The following SHROOM3 variants were observed in gnomAD, a reference collection of about 807,000 sequenced individuals.
The protein encoded by SHROOM3 is shroom family member 3, also known as protein Shroom3.
Under a neutral mutation model 138.6 loss-of-function variants are expected in SHROOM3, and 47 were observed. The ratio of observed to expected loss-of-function variants is 0.34; its 90% CI spans 0.27 to 0.43. The LOEUF (loss-of-function observed/expected upper bound fraction) is 0.43. SHROOM3 is among the 20% of genes least tolerant of loss of function. SHROOM3 has a pLI of 1.00. For missense variants in SHROOM3, 2,491 were observed against 2,596.5 expected (o/e 0.96, Z 0.88); for synonymous variants, 1,062 against 1,063.3 (o/e 1.00, Z 0.02).
At chr4:76,504,617 T>C (rs931185171) in intron 1 of SHROOM3, among the ~76,000 whole-genome samples, 13 of 152,254 alleles carry the variant, frequency 8.5e-5, no homozygotes, top group Non-Finnish European at 1.3e-4. Context: ...TAGATTGCCC[T>C]TATTAGAGAT....
At chr4:76,593,806 A>G (rs1734325444) in intron 2 of SHROOM3, among the ~76,000 whole-genome samples, 1 of 152,160 alleles carries the variant, frequency 6.6e-6, no homozygotes. Context: ...ACTTAGGGGC[A>G]GTGGCTAGTG....
At chr4:76,701,615 T>C (rs540283678) in intron 2 of SHROOM3, among the ~76,000 whole-genome samples, 1 of 152,342 alleles carries the variant, frequency 6.6e-6, no homozygotes, top group Admixed American at 6.5e-5. Flanking sequence ...AGATTTGTAT[T>C]GTTCTCTGGG....
chr4:76,522,596 C>G (rs1243008367), intron 1 of SHROOM3, among the ~76,000 whole-genome samples: 1 of 152,016 alleles, frequency 6.6e-6, no homozygotes, highest in African/African-American at 2.4e-5. Flanking sequence ...GAGTTCAAGA[C>G]CAGCCTGGCC....
At chr4:76,524,820 G>A (rs1453619635) in intron 1 of SHROOM3, among the ~76,000 whole-genome samples, 1 of 152,090 alleles carries the variant, frequency 6.6e-6, no homozygotes, top group Non-Finnish European at 1.5e-5. Context: ...AACTATCCAG[G>A]GGTTACGGTA....
intron 1 of SHROOM3, among the ~76,000 whole-genome samples, chr4:76,451,423 A>T (rs1730923919): frequency 6.6e-6 from 1 of 152,236 alleles, no homozygotes; most frequent in Admixed American, 6.5e-5. Context: ...ACAACAACGT[A>T]TATTCTTAAT....
chr4:76,615,141 A>G (rs779188558), intron 2 of SHROOM3, among the ~76,000 whole-genome samples: 4 of 152,246 alleles, frequency 2.6e-5, no homozygotes, highest in Admixed American at 6.5e-5. Flanking sequence ...ACAAAGTTCT[A>G]GCACATTTGA....
intron 3 of SHROOM3, among the ~76,000 whole-genome samples, chr4:76,720,001 AT>A (rs1394897746): frequency 6.6e-6 from 1 of 152,210 alleles, no homozygotes; most frequent in Non-Finnish European, 1.5e-5. Context: ...AGGATGTGAC[AT>A]TTAAAAACAA....
chr4:76,488,500 A>G (rs1293942799), intron 1 of SHROOM3, among the ~76,000 whole-genome samples: 1 of 152,228 alleles, frequency 6.6e-6, no homozygotes, highest in African/African-American at 2.4e-5. Context: ...TAAAATATGG[A>G]CTTCTCTTTA....
intron 1 of SHROOM3, among the ~76,000 whole-genome samples, chr4:76,526,699 C>T (rs1365510626): frequency 6.6e-6 from 1 of 152,198 alleles, no homozygotes; most frequent in Admixed American, 6.5e-5. Flanking sequence ...AATGTTTGCA[C>T]TTTGATAAGT....
intron 1 of SHROOM3, among the ~76,000 whole-genome samples, chr4:76,537,237 A>G (rs925631277): frequency 3.3e-5 from 5 of 152,220 alleles, no homozygotes; most frequent in Non-Finnish European, 4.4e-5. Flanking sequence ...AGATGTGTAC[A>G]TGGACATTTC....
chr4:76,614,196 A>G (rs920877206), intron 2 of SHROOM3, among the ~76,000 whole-genome samples: 1 of 152,116 alleles, frequency 6.6e-6, no homozygotes, highest in Non-Finnish European at 1.5e-5. Flanking sequence ...CTGGGACTAC[A>G]GGCGCCTGCC....
At chr4:76,541,575 A>T (rs1733098371) in intron 1 of SHROOM3, among the ~76,000 whole-genome samples, 3 of 151,894 alleles carry the variant, frequency 2.0e-5, no homozygotes, top group Admixed American at 2.0e-4. Context: ...ATAAGAGGGA[A>T]AAAAGTCGCA....
At chr4:76,555,586 G>T (rs763715833) in intron 1 of SHROOM3, 23 bp from the exon 2 acceptor site, 1 of 1,612,426 alleles carries the variant, frequency 6.2e-7, no homozygotes, top group East Asian at 2.2e-5. Context: ...ACTCGTGGCT[G>T]TCGCATCTCT....
chr4:76,468,614 A>T, intron 1 of SHROOM3, among the ~76,000 whole-genome samples: 2 of 151,454 alleles, frequency 1.3e-5, no homozygotes, highest in South Asian at 4.2e-4. Context: ...ATATATATAC[A>T]TATATCTAAA....
At chr4:76,612,769 T>A (rs1164313770) in intron 2 of SHROOM3, among the ~76,000 whole-genome samples, 1 of 151,934 alleles carries the variant, frequency 6.6e-6, no homozygotes, top group African/African-American at 2.4e-5. Flanking sequence ...CAAGACTCCA[T>A]CTCAATCAAT....
At chr4:76,729,420 G>GAA (rs948895912) in intron 3 of SHROOM3, among the ~76,000 whole-genome samples, 1 of 147,384 alleles carries the variant, frequency 6.8e-6, no homozygotes, top group African/African-American at 2.5e-5. Flanking sequence ...CTGACTGTTT[G>GAA]AAAAAAAAAA....
At chr4:76,687,930 G>C (rs150525992) in intron 2 of SHROOM3, among the ~76,000 whole-genome samples, 45 of 152,306 alleles carry the variant, frequency 3.0e-4, no homozygotes, top group African/African-American at 1.1e-3. Flanking sequence ...GGCCTTATCT[G>C]TTCTGCCCAC....
intron 2 of SHROOM3, among the ~76,000 whole-genome samples, chr4:76,561,635 A>G (rs1733597955): frequency 6.6e-6 from 1 of 150,944 alleles, no homozygotes; most frequent in African/African-American, 2.4e-5. Flanking sequence ...GAAATCATGA[A>G]CTAGTGCTTT....
At chr4:76,713,729 A>G (rs1407327554) in intron 3 of SHROOM3, among the ~76,000 whole-genome samples, 1 of 152,248 alleles carries the variant, frequency 6.6e-6, no homozygotes, top group African/African-American at 2.4e-5. Context: ...GCCAGCATCA[A>G]AACCACGTGA....
Sources: gnomAD v4.1 joint callset for allele counts (sites outside exome capture counted in the v4.1 genomes callset) on GRCh38, gnomAD v4.1.1 for gene constraint, MANE v1.5 for transcripts, NCBI Gene and HGNC (gene_info 2026-07-23, HGNC 2026-07-21) for gene names.